The following BEND6 variants were observed in gnomAD, a reference collection of about 807,000 sequenced individuals.
The protein encoded by BEND6 is BEN domain-containing protein 6.
A neutral mutation model predicts 31.8 loss-of-function variants in BEND6; 24 were observed. That is an observed-to-expected ratio of 0.75 (90% confidence interval 0.55 to 1.06). BEND6 has a LOEUF of 1.06. Among genes scored for constraint, BEND6 ranks in the 50% least tolerant of loss-of-function variants. The pLI is 0.00. For synonymous variants in BEND6, 109 were observed against 114.6 expected (o/e 0.95, Z 0.31); for missense variants, 294 against 327.4 (o/e 0.90, Z 0.79).
At chr6:57,019,973 C>T (rs1024901594) in intron 6 of BEND6, among the ~76,000 whole-genome samples, 5 of 152,096 alleles carry the variant, frequency 3.3e-5, no homozygotes, top group African/African-American at 7.2e-5. Flanking sequence ...GTAGTGCACA[C>T]CTGTAGTCCC....
intron 1 of BEND6, among the ~76,000 whole-genome samples, chr6:56,969,216 A>G (rs1480347080): frequency 1.3e-5 from 2 of 152,228 alleles, no homozygotes; most frequent in South Asian, 2.1e-4. Context: ...TGTTTTGCTC[A>G]GCAGAGTGCT....
intron 2 of BEND6, among the ~76,000 whole-genome samples, chr6:56,982,452 G>A (rs946179030): frequency 6.6e-6 from 1 of 151,928 alleles, no homozygotes; most frequent in Non-Finnish European, 1.5e-5. Context: ...TCACTGGTTT[G>A]GTCAGGGTGC....
At chr6:57,025,818 T>C (rs1827882801) in intron 6 of BEND6, among the ~76,000 whole-genome samples, 1 of 152,134 alleles carries the variant, frequency 6.6e-6, no homozygotes, top group African/African-American at 2.4e-5. Context: ...CTCTGTGGCC[T>C]GGGAAACTGT....
At chr6:57,004,606 C>A in intron 3 of BEND6, 1 of 1,028,070 alleles carries the variant, frequency 9.7e-7, no homozygotes, top group South Asian at 1.3e-5. Flanking sequence ...ACCTCCAGAT[C>A]AACCTGGAGC....
chr6:57,009,364 T>C (rs978326862), intron 3 of BEND6: 5 of 152,198 alleles, frequency 3.3e-5, no homozygotes, highest in Non-Finnish European at 7.3e-5. Context: ...ATACATTATA[T>C]GTATCAAAAC....
At chr6:56,984,056 CA>C (rs958635288) in intron 2 of BEND6, among the ~76,000 whole-genome samples, 19 of 151,578 alleles carry the variant, frequency 1.3e-4, no homozygotes, top group Non-Finnish European at 2.5e-4. Context: ...CTCTCTCTAC[CA>C]AAAAAAATTT....
At chr6:57,023,412 C>T (rs568308737) in intron 6 of BEND6, among the ~76,000 whole-genome samples, 53 of 152,230 alleles carry the variant, frequency 3.5e-4, no homozygotes, top group African/African-American at 1.3e-3. Flanking sequence ...TTGACTTGTA[C>T]CTGTTTTACC....
At chr6:56,985,125 A>G (rs1359637317) in intron 2 of BEND6, among the ~76,000 whole-genome samples, 2 of 152,188 alleles carry the variant, frequency 1.3e-5, no homozygotes, top group Non-Finnish European at 2.9e-5. Context: ...GTTGTACCAA[A>G]TATGCCCCAA....
At chr6:57,020,024 G>C (rs531381512) in intron 6 of BEND6, among the ~76,000 whole-genome samples, 4 of 152,298 alleles carry the variant, frequency 2.6e-5, no homozygotes, top group African/African-American at 9.6e-5. Context: ...GCGAGGTGGA[G>C]GCTACAGTGA....
At chr6:56,999,020 T>A (rs1826830418) in intron 3 of BEND6, among the ~76,000 whole-genome samples, 1 of 152,220 alleles carries the variant, frequency 6.6e-6, no homozygotes. Context: ...GAAGCCATGG[T>A]GCAGCAGTTT....
intron 3 of BEND6, chr6:57,010,560 T>C (rs1827309618): frequency 2.4e-6 from 1 of 419,988 alleles, no homozygotes; most frequent in African/African-American, 2.2e-5. Context: ...AATGAGATGA[T>C]GCCTGTGCTT....
intron 1 of BEND6, among the ~76,000 whole-genome samples, chr6:56,955,740 AG>A (rs1824783889): frequency 6.6e-6 from 1 of 152,226 alleles, no homozygotes; most frequent in Non-Finnish European, 1.5e-5. Flanking sequence ...TTGAAGGGCA[AG>A]GCGATTTCAG....
At chr6:56,986,193 G>A (rs1316906311) in intron 2 of BEND6, among the ~76,000 whole-genome samples, 1 of 152,028 alleles carries the variant, frequency 6.6e-6, no homozygotes, top group Non-Finnish European at 1.5e-5. Flanking sequence ...TTCATCACTA[G>A]AAGATGTATT....
chr6:56,973,023 A>G lies in BEND6; in HGVS notation c.-100-8688A>G, dbSNP rs553959758. ...AAGAAATGAAAAATAAAGAACAATC[A>G]GAAGTTCTCTACTTTATTGCCCTGG... On this transcript the variant is annotated intron_variant, in intron 1 of 6. Transcript: ENST00000370746. Among the ~76,000 whole-genome samples the G allele has an allele frequency of 2.6e-5, 4 of 152,330 alleles. No individual in the cohort carries two copies. In the East Asian group the frequency reaches 7.7e-4, roughly 29 times the overall value.
At chr6:57,001,539 A>T (rs1826946165) in intron 3 of BEND6, among the ~76,000 whole-genome samples, 1 of 152,194 alleles carries the variant, frequency 6.6e-6, no homozygotes, top group East Asian at 1.9e-4. Flanking sequence ...TGAATGGTGG[A>T]CTTCTCAACA....
At chr6:56,977,869 A>G (rs62417408) in intron 1 of BEND6, among the ~76,000 whole-genome samples, 4,305 of 152,274 alleles carry the variant, frequency 0.028, 84 homozygotes, top group Middle Eastern at 0.044. Flanking sequence ...AGACGGGAGG[A>G]TCACTTGAGT....
At chr6:56,959,771 C>T (rs1351942840) in intron 1 of BEND6, among the ~76,000 whole-genome samples, 2 of 152,004 alleles carry the variant, frequency 1.3e-5, no homozygotes, top group Non-Finnish European at 2.9e-5. Context: ...TTTATTTTAC[C>T]GTAATAAAAA....
intron 3 of BEND6, among the ~76,000 whole-genome samples, chr6:57,003,516 C>A (rs1438262633): frequency 6.7e-6 from 1 of 149,072 alleles, no homozygotes; most frequent in Non-Finnish European, 1.5e-5. Flanking sequence ...CAAACAGCAA[C>A]AACAACAACA....
At chr6:56,956,610 G>T (rs1384366351) in intron 1 of BEND6, among the ~76,000 whole-genome samples, 2 of 152,162 alleles carry the variant, frequency 1.3e-5, no homozygotes, top group African/African-American at 4.8e-5. Context: ...GTTTTGGATT[G>T]AACTCAGAAG....
Sources: allele counts gnomAD v4.1 joint callset (sites outside exome capture counted in the v4.1 genomes callset), GRCh38; gene constraint gnomAD v4.1.1; transcripts MANE v1.5; gene names NCBI Gene and HGNC (gene_info 2026-07-23, HGNC 2026-07-21).